Variants in ZNF677 observed in about 807,000 individuals in gnomAD.
ZNF677 encodes the protein hypothetical protein MGC48625.
A neutral mutation model predicts 8.1 loss-of-function variants in ZNF677; 5 were observed. That is an observed-to-expected ratio of 0.62 (90% confidence interval 0.32 to 1.29). The LOEUF (loss-of-function observed/expected upper bound fraction) is 1.29. Ranked by LOEUF, ZNF677 falls within the 50% of genes most tolerant of loss-of-function variation. The pLI, the probability that ZNF677 is intolerant of heterozygous loss-of-function variation, is 0.05. For missense variants in ZNF677, 685 were observed against 685.9 expected (o/e 1.00, Z 0.01); for synonymous variants, 221 against 225.6 (o/e 0.98, Z 0.18).
Position 53,238,283 on chromosome 19 carries a change from A to G in ZNF677, c.444T>C (p.Ser148=). The change falls in exon 5 of 5, where the codon AGT becomes AGC. Residue 148 remains serine, a synonymous_variant. Coordinates refer to ENST00000598513, the MANE Select transcript of ZNF677 (RefSeq NM_182609.4). ...GGTGTGCACTATCTCTTATAGAAAC[A>G]CTCTGCTTTAAAGAGAAATGTATTG... is the stretch of plus-strand genomic sequence containing the variant. ...KSSIHFSLKQ[S]VSIRDSAHQY... 6.2e-7 allele frequency: 1 copy of G among 1,613,864 alleles called. No individual in the cohort carries two copies. The highest frequency in any genetic ancestry group is 8.5e-7 in the Non-Finnish European group (1 of 1,179,910).
intron 3 of ZNF677, 146 bp from the exon 4 acceptor site, chr19:53,244,043 T>C: frequency 1.4e-6 from 1 of 739,346 alleles, no homozygotes; most frequent in Non-Finnish European, 2.1e-6. Context: ...TTTTTTAAAC[T>C]GAGATGAAAT....
In ZNF677 at chr19:53,238,564, G is replaced by T. The variant is rs2091002522; in HGVS notation, c.170-7C>A. 7.9e-6 allele frequency: 12 copies of T among 1,526,018 alleles called. No individual in the cohort carries two copies. Among genetic ancestry groups the T allele is most frequent in the Non-Finnish European group, 3.5e-6 (4 of 1,146,376 alleles). The allele number at this position is 1,526,018 out of a possible 1,614,324, so 94.5% of individuals were successfully genotyped here. A position where few individuals can be genotyped will look rare whatever the true frequency, so the allele number is the denominator to read the frequency against. On this transcript the variant is annotated splice_polypyrimidine_tract_variant and splice_region_variant and intron_variant, in intron 4 of 4. Coordinates refer to ENST00000598513, the MANE Select transcript of ZNF677 (RefSeq NM_182609.4). Reference sequence around the variant, plus strand: ...GTAAATCCAACAGAAATATCTGAAAGATATTAAAAAAACCACAGGCTTTCC... The same window carrying T: ...GTAAATCCAACAGAAATATCTGAAATATATTAAAAAAACCACAGGCTTTCC...
chr19:53,244,799 T>C lies in ZNF677; in HGVS notation c.16-902A>G, dbSNP rs547186320. 1.5e-3 allele frequency among the ~76,000 whole-genome samples: 230 copies of C among 152,240 alleles called. 1 individual carries two copies. The highest frequency in any genetic ancestry group is 6.8e-3 in the Middle Eastern group (2 of 294). On this transcript the variant is annotated intron_variant, in intron 3 of 4. Coordinates refer to ENST00000598513, the MANE Select transcript of ZNF677 (RefSeq NM_182609.4). Reference sequence around the variant, plus strand: ...AAAGACCCAAAAGAGCCACAGCAATTTTGAGCAAGAATATCAAAGCTGGAG... The same window carrying C: ...AAAGACCCAAAAGAGCCACAGCAATCTTGAGCAAGAATATCAAAGCTGGAG...
chr19:53,239,860 G>C (rs1335163158), intron 4 of ZNF677: 1 of 152,204 alleles, frequency 6.6e-6, no homozygotes, highest in East Asian at 1.9e-4. Flanking sequence ...CACAGAGAAA[G>C]CACATCTGAA....
At chr19:53,249,843 T>C (rs149333117) in intron 3 of ZNF677, among the ~76,000 whole-genome samples, 46 of 152,328 alleles carry the variant, frequency 3.0e-4, no homozygotes, top group African/African-American at 9.6e-5. Context: ...AGCTATATTA[T>C]AGCCATCTTT....
intron 3 of ZNF677, among the ~76,000 whole-genome samples, chr19:53,246,497 C>A (rs1389479965): frequency 1.6e-5 from 2 of 127,796 alleles, no homozygotes; most frequent in Non-Finnish European, 3.3e-5. Context: ...TACACACACA[C>A]ACACACACAC....
In ZNF677 at chr19:53,237,404, G is replaced by C. The variant is rs922024451; in HGVS notation, c.1323C>G (p.Ile441Met). Reference sequence around the variant, plus strand: ...GATGTTCCACAAGACTTGAACTTTGGATAAAAGCCCTGCCACACACATTAC... The same window carrying C: ...GATGTTCCACAAGACTTGAACTTTGCATAAAAGCCCTGCCACACACATTAC... The part of the protein sequence containing the change: ...HKCNVCGRAF[I>M]QSSSLVEHQR... Residue 441 changes from isoleucine to methionine, a missense_variant, in exon 5 of 5, where the codon ATC (isoleucine) becomes ATG (methionine). Ile to Met is a conservative substitution (Grantham distance 10). Transcript: ENST00000598513. 5 of 1,613,752 alleles carry C rather than the reference G, an allele frequency of 3.1e-6. No homozygotes were observed. Among genetic ancestry groups the C allele is most frequent in the Non-Finnish European group, 4.2e-6 (5 of 1,179,982 alleles).
intron 3 of ZNF677, 51 bp downstream of exon 3, chr19:53,251,485 G>A: frequency 6.6e-7 from 1 of 1,511,746 alleles, no homozygotes; most frequent in Non-Finnish European, 9.2e-7. Context: ...CCAAAATATG[G>A]CATTTCAGGA....
chr19:53,236,926 A>G lies in ZNF677; in HGVS notation c.*46T>C, dbSNP rs372521441. 2.7e-6 allele frequency: 4 copies of G among 1,503,986 alleles called. No individual in the cohort carries two copies. The highest frequency in any genetic ancestry group is 3.5e-6 in the Non-Finnish European group (4 of 1,130,062). 93.2% of individuals were successfully genotyped at this position (1,503,986 alleles called of 1,614,324 possible). The stretch of plus-strand genomic sequence containing the variant: ...ATAAGCCATAGCTAAAGGCTTTACC[A>G]CATTTTCGTTTTATATGGTTTCTTT... On this transcript the variant is annotated 3_prime_UTR_variant, in exon 5 of 5. Transcript: ENST00000598513.
intron 1 of ZNF677, among the ~76,000 whole-genome samples, chr19:53,253,396 G>C (rs770123888): frequency 2.6e-5 from 4 of 152,190 alleles, no homozygotes; most frequent in Non-Finnish European, 4.4e-5. Context: ...ATGATAAAAA[G>C]TAGAAAGCAT....
At chr19:53,251,649 C>A (rs1226754839) in intron 2 of ZNF677, 44 bp from the exon 3 acceptor site, 2 of 1,414,750 alleles carry the variant, frequency 1.4e-6, no homozygotes, top group African/African-American at 1.4e-5. Context: ...AATCAACACA[C>A]CCCCTGCCTC....
chr19:53,244,088 G>C, intron 3 of ZNF677, 191 bp from the exon 4 acceptor site: 1 of 574,800 alleles, frequency 1.7e-6, no homozygotes, highest in African/African-American at 1.9e-5. Flanking sequence ...GAGGCTGGGT[G>C]CAGTGGCTCA....
Position 53,243,823 on chromosome 19 carries a change from CCT to C in ZNF677, c.88_89del (p.Arg30GlyfsTer19). 6.2e-7 allele frequency: 1 copy of C among 1,614,144 alleles called. No homozygotes were observed. Among genetic ancestry groups the C allele is most frequent in the Non-Finnish European group, 8.5e-7 (1 of 1,180,022 alleles). On this transcript the variant is annotated frameshift_variant, in exon 4 of 5. Transcript: ENST00000598513. LOFTEE classifies it high-confidence loss of function. Reference protein sequence around the residue: ...EEWECLDPAQRALYRDVMLEN... With the variant: ...EEWECLDPAQXALYRDVMLEN... ...CCAACATCACGTCCCTGTACAAGGC[CCT>C]CTGGGCAGGGTCCAGGCACTCCCAC...
rs368650458 is a variant in ZNF677, at chr19:53,238,010, T to A, written c.717A>T (p.Lys239Asn). Residue 239 changes from lysine (K) to asparagine (N), a missense_variant, in exon 5 of 5, where the codon AAA becomes AAT. Lys to Asn is a moderately conservative substitution (Grantham distance 94). Transcript: ENST00000598513. ...AAGGGTATTTCAAAATCTTCCTATA[T>A]TTATTACAAATGTTTTTGACACAAG... The part of the protein sequence containing the change: ...LPPCVKNICN[K>N]YRKILKYPLL... 9 of 1,613,526 alleles carry A rather than the reference T, an allele frequency of 5.6e-6. No individual in the cohort carries two copies. The African/African-American group carries it at 1.1e-4, about 19-fold the overall frequency.
rs17272966 is a variant in ZNF677, at chr19:53,236,705, C to T, written c.*267G>A. On this transcript the variant is annotated 3_prime_UTR_variant, in exon 5 of 5. Coordinates refer to ENST00000598513, the MANE Select transcript of ZNF677 (RefSeq NM_182609.4). ...CTTGCCACATTTGTATGGTTTCCATCCTGAATGTCTTCTGTTATAACCATA... is the reference window on the plus strand; with the variant it reads ...CTTGCCACATTTGTATGGTTTCCATTCTGAATGTCTTCTGTTATAACCATA... The T allele has an allele frequency of 0.4, 102,327 of 253,836 alleles. 22,831 individuals carry two copies. Among genetic ancestry groups the T allele is most frequent in the East Asian group, 0.76 (9,346 of 12,366 alleles). 15.7% of individuals were successfully genotyped at this position (253,836 alleles called of 1,614,324 possible). A position where few individuals can be genotyped will look rare whatever the true frequency, so the allele number is the denominator to read the frequency against.
rs1358046831 is a variant in ZNF677, at chr19:53,238,387, C to T, written c.340G>A (p.Val114Ile). Residue 114 changes from valine (V) to isoleucine (I), a missense_variant, in exon 5 of 5, where the codon GTA becomes ATA. Coordinates refer to ENST00000598513, the MANE Select transcript of ZNF677 (RefSeq NM_182609.4). ...AAAGGCATTCCTTTGTAATTTTTTA[C>T]ATCATAGTCCCACAGGCTGTCAAAC... ...PKFDSLWDYD[V>I]KNYKGMPLTC... 6.2e-7 allele frequency: 1 copy of T among 1,613,486 alleles called. No homozygotes were observed.
In ZNF677 at chr19:53,237,732, GA is replaced by G; in HGVS notation, c.994del (p.Ser332GlnfsTer281). The G allele has an allele frequency of 3.7e-6, 6 of 1,613,784 alleles. No homozygotes were observed. Among genetic ancestry groups the G allele is most frequent in the Non-Finnish European group, 4.2e-6 (5 of 1,179,872 alleles). On this transcript the variant is annotated frameshift_variant, in exon 5 of 5. Coordinates refer to ENST00000598513, the MANE Select transcript of ZNF677 (RefSeq NM_182609.4). LOFTEE classifies it low-confidence loss of function (END_TRUNC). ...CATCCTCTGATGACTTGCAAGATTT[GA>G]ATTTTGACTACAGACCTTGCCACAT... ...NICGKVCSQN[S>X]NLASHQRMHT...
At chr19:53,247,006 T>C (rs1324492714) in intron 3 of ZNF677, among the ~76,000 whole-genome samples, 1 of 152,200 alleles carries the variant, frequency 6.6e-6, no homozygotes, top group Non-Finnish European at 1.5e-5. Context: ...ATACATTACA[T>C]ATGTATAGGT....
intron 4 of ZNF677, chr19:53,242,288 A>G (rs988255375): frequency 4.3e-5 from 17 of 398,668 alleles, no homozygotes; most frequent in Non-Finnish European, 6.6e-5. Context: ...ATATGGAATC[A>G]GGAAGACTAA....
Sources: gnomAD v4.1 joint callset for allele counts (sites outside exome capture counted in the v4.1 genomes callset) on GRCh38, gnomAD v4.1.1 for gene constraint, MANE v1.5 for transcripts, NCBI Gene and HGNC (gene_info 2026-07-23, HGNC 2026-07-21) for gene names.